BLTP1: variants seen among roughly 807,000 people sequenced by gnomAD.
BLTP1 encodes bridge-like lipid transfer protein family member 1.
the BLTP1 span, chr4:122,299,003 T>C: frequency 1.0e-6 from 1 of 985,328 alleles, no homozygotes; most frequent in Non-Finnish European, 1.2e-6. Flanking sequence ...AGGTGCTTTA[T>C]ACTTGCGTTC....
At chr4:122,185,769 T>TA in the BLTP1 span, among the ~76,000 whole-genome samples, 1 of 152,072 alleles carries the variant, frequency 6.6e-6, no homozygotes, top group African/African-American at 2.4e-5. Flanking sequence ...GTTCTTAGCA[T>TA]AAAAATCTTT....
the BLTP1 span, chr4:122,333,834 AGG>A: frequency 6.3e-7 from 1 of 1,596,310 alleles, no homozygotes; most frequent in South Asian, 1.1e-5. Flanking sequence ...GCCTAGGGTA[AGG>A]GATTAGACTA....
the BLTP1 span, among the ~76,000 whole-genome samples, chr4:122,253,931 G>C: frequency 6.6e-6 from 1 of 152,152 alleles, no homozygotes; most frequent in Admixed American, 6.5e-5. Context: ...ATACGATGGA[G>C]CTCTGATAAA....
At chr4:122,219,697 G>A in the BLTP1 span, 5 of 605,292 alleles carry the variant, frequency 8.3e-6, no homozygotes, top group Admixed American at 1.3e-4. Context: ...TTCTTTTACT[G>A]TTATAAAACT....
the BLTP1 span, chr4:122,174,615 C>T: frequency 6.2e-7 from 1 of 1,607,048 alleles, no homozygotes; most frequent in Non-Finnish European, 8.5e-7. Flanking sequence ...AGTCATGGTT[C>T]GTGAAATCTA....
chr4:122,295,522 G>C, the BLTP1 span, among the ~76,000 whole-genome samples: 1 of 152,042 alleles, frequency 6.6e-6, no homozygotes, highest in Non-Finnish European at 1.5e-5. Context: ...GTACAAAGAA[G>C]AGCTTGTACC....
chr4:122,334,627 A>G, the BLTP1 span: 12 of 1,362,552 alleles, frequency 8.8e-6, no homozygotes, highest in Non-Finnish European at 1.2e-5. Context: ...AGACTTTCCA[A>G]TGCACATGTT....
At chr4:122,205,146 T>C in the BLTP1 span, among the ~76,000 whole-genome samples, 12 of 152,046 alleles carry the variant, frequency 7.9e-5, no homozygotes, top group African/African-American at 2.4e-4. Flanking sequence ...AAATTTACTC[T>C]GAGTTCATTA....
At chr4:122,160,264 A>G in the BLTP1 span, among the ~76,000 whole-genome samples, 1 of 152,216 alleles carries the variant, frequency 6.6e-6, no homozygotes, top group Non-Finnish European at 1.5e-5. Flanking sequence ...CATGGTAATC[A>G]TGAATGGTAG....
chr4:122,334,696 G>T, the BLTP1 span: 1 of 697,564 alleles, frequency 1.4e-6, no homozygotes, highest in Non-Finnish European at 2.3e-6. Context: ...ATATGGAAGT[G>T]TGGGCCAACC....
chr4:122,240,055 C>G, the BLTP1 span: 1 of 1,614,172 alleles, frequency 6.2e-7, no homozygotes, highest in Non-Finnish European at 8.5e-7. Context: ...CCATTCAAAA[C>G]TCATCCTTCT....
At chr4:122,221,674 TA>T in the BLTP1 span, 3,299 of 340,748 alleles carry the variant, frequency 9.7e-3, no homozygotes, top group Non-Finnish European at 0.012. Flanking sequence ...ATATTAACCT[TA>T]AAAAAAAAAA....
the BLTP1 span, chr4:122,328,495 A>G: frequency 1.3e-6 from 1 of 793,240 alleles, no homozygotes; most frequent in African/African-American, 1.8e-5. Context: ...ACTCATTAAA[A>G]TAAAATTTAT....
At chr4:122,298,155 ATTAC>A in the BLTP1 span, 14 of 732,008 alleles carry the variant, frequency 1.9e-5, no homozygotes, top group South Asian at 6.2e-5. Context: ...TTTGATTCTT[ATTAC>A]TTAGATAAAA....
chr4:122,234,641 G>T, the BLTP1 span: 14 of 1,023,188 alleles, frequency 1.4e-5, no homozygotes, highest in Non-Finnish European at 1.6e-5. Context: ...ATAAACCTTT[G>T]TGTTTGTGTT....
the BLTP1 span, among the ~76,000 whole-genome samples, chr4:122,194,184 G>T: frequency 2.0e-5 from 3 of 152,174 alleles, no homozygotes; most frequent in Non-Finnish European, 4.4e-5. Context: ...TTCTAAGAAG[G>T]CTGGTTGAGG....
the BLTP1 span, chr4:122,211,098 A>C: frequency 6.2e-7 from 1 of 1,606,012 alleles, no homozygotes; most frequent in South Asian, 1.1e-5. Context: ...GTATAAAGGT[A>C]TGATTCTTAA....
chr4:122,240,301 C>G, the BLTP1 span: 7 of 1,613,964 alleles, frequency 4.3e-6, no homozygotes, highest in African/African-American at 9.3e-5. Context: ...GATACACCAA[C>G]CAGTGAAGAA....
chr4:122,217,399 C>T, the BLTP1 span, among the ~76,000 whole-genome samples: 12 of 151,180 alleles, frequency 7.9e-5, no homozygotes, highest in Admixed American at 2.6e-4. Context: ...TGAAGAATTA[C>T]GGTAGTATTT....
Sources: allele counts gnomAD v4.1 joint callset (sites outside exome capture counted in the v4.1 genomes callset), GRCh38; gene constraint gnomAD v4.1.1; transcripts MANE v1.5; gene names NCBI Gene and HGNC (gene_info 2026-07-23, HGNC 2026-07-21).